CHRNB3: variants seen among roughly 807,000 people sequenced by gnomAD.
The protein encoded by CHRNB3 is cholinergic receptor nicotinic beta 3 subunit.
Under a neutral mutation model 40.6 loss-of-function variants are expected in CHRNB3, and 37 were observed. The ratio of observed to expected loss-of-function variants is 0.91; its 90% CI spans 0.70 to 1.20. The LOEUF is 1.20. Among genes scored for constraint, CHRNB3 ranks in the 50% most tolerant of loss-of-function variants. CHRNB3 has a pLI of 0.00. For synonymous variants in CHRNB3, 207 were observed against 207.1 expected (o/e 1.00, Z 0.00); for missense variants, 505 against 551.2 (o/e 0.92, Z 0.84).
rs1816075490 is a variant in CHRNB3 at position 42,714,948 on chromosome 8, T to G, written c.249+4514T>G. ...GCTGTATAATTTCCTAACCCTGGTC[T>G]TCTAAGGCTTTGATTCCTCAGTCTC... On this transcript the variant is annotated intron_variant, in intron 3 of 5. Coordinates refer to ENST00000289957, the MANE Select transcript of CHRNB3 (RefSeq NM_000749.5). 3 of 152,152 alleles carry G rather than the reference T, an allele frequency of 2.0e-5. No individual in the cohort carries two copies. The South Asian group carries it at 6.2e-4, about 31-fold the overall frequency. The allele number at this position is 152,152 out of a possible 1,614,324, so 9.4% of individuals were successfully genotyped here. A position where few individuals can be genotyped will look rare whatever the true frequency, so the allele number is the denominator to read the frequency against.
At chr8:42,704,196 T>C (rs548980557) in intron 1 of CHRNB3, among the ~76,000 whole-genome samples, 3 of 152,360 alleles carry the variant, frequency 2.0e-5, no homozygotes, top group African/African-American at 7.2e-5. Flanking sequence ...TCTTGCTGTG[T>C]CCTCACATGG....
At chr8:42,734,229 C>T (rs7839973) in intron 5 of CHRNB3, among the ~76,000 whole-genome samples, 4,296 of 134,276 alleles carry the variant, frequency 0.032, 110 homozygotes, top group Middle Eastern at 0.1. Flanking sequence ...GCACTCCACT[C>T]CAGCCTGGCG....
rs762008377 is a variant in CHRNB3 at position 42,697,587 on chromosome 8, T to A, written c.41T>A (p.Ile14Asn). Residue 14 changes from isoleucine to asparagine, a missense_variant, in exon 1 of 6, where the codon ATC becomes AAC. By Grantham distance (149) the Ile-to-Asn change is moderately radical. Transcript: ENST00000289957. The stretch of plus-strand genomic sequence containing the variant: ...ATGCTGGTTCTCATCGTCCTTGGCA[T>A]CCCTTCCTCAGGTAAGCACAAGTCA... ...DFMLVLIVLGIPSSATTGFNS... is the reference protein window; with the variant it reads ...DFMLVLIVLGNPSSATTGFNS... 6.2e-7 allele frequency: 1 copy of A among 1,613,448 alleles called. No homozygotes were observed. The highest frequency in any genetic ancestry group is 1.3e-5 in the African/African-American group (1 of 74,934).
At chr8:42,706,936 T>C (rs780763116) in intron 1 of CHRNB3, among the ~76,000 whole-genome samples, 1 of 151,986 alleles carries the variant, frequency 6.6e-6, no homozygotes, top group African/African-American at 2.4e-5. Flanking sequence ...AATTTTTTTA[T>C]TTTTGTAATA....
rs1816440020 is a variant in CHRNB3 at position 42,732,238 on chromosome 8, A to G, written c.931A>G (p.Ile311Val). ...CATCATGATTTTTGTGACCCTGTCC[A>G]TCATTGTTACCGTGTTTGTCATTAA... ...LFIMIFVTLSIIVTVFVINVH... is the reference protein window; with the variant it reads ...LFIMIFVTLSVIVTVFVINVH... The change falls in exon 5 of 6, where the codon ATC becomes GTC. Residue 311 changes from isoleucine to valine, a missense_variant. Ile to Val is a conservative substitution (Grantham distance 29). Coordinates refer to ENST00000289957, the MANE Select transcript of CHRNB3 (RefSeq NM_000749.5). 1 of 1,611,962 alleles carries G rather than the reference A, an allele frequency of 6.2e-7. No individual in the cohort carries two copies.
chr8:42,722,709 A>G (rs1816240656), intron 3 of CHRNB3, among the ~76,000 whole-genome samples: 1 of 152,090 alleles, frequency 6.6e-6, no homozygotes. Context: ...CCACAGACAC[A>G]CAACTACACC....
rs1412129490 is a variant in CHRNB3 at position 42,697,561 on chromosome 8, T to C, written c.15T>C (p.Phe5=). Residue 5 remains phenylalanine, a synonymous_variant, in exon 1 of 6, where the codon TTT becomes TTC. Coordinates refer to ENST00000289957, the MANE Select transcript of CHRNB3 (RefSeq NM_000749.5). ...CTGACATCACGATGCTCCCAGATTT[T>C]ATGCTGGTTCTCATCGTCCTTGGCA... MLPD[F]MLVLIVLGIP... 24 of 1,613,664 alleles carry C rather than the reference T, an allele frequency of 1.5e-5. No individual in the cohort carries two copies. The highest frequency in any genetic ancestry group is 1.9e-5 in the Non-Finnish European group (23 of 1,179,686).
At chr8:42,700,946 G>C (rs1310735863) in intron 1 of CHRNB3, among the ~76,000 whole-genome samples, 1 of 152,058 alleles carries the variant, frequency 6.6e-6, no homozygotes, top group African/African-American at 2.4e-5. Flanking sequence ...AGAATAAAGA[G>C]ACTGGTCGGG....
intron 3 of CHRNB3, among the ~76,000 whole-genome samples, chr8:42,720,048 C>T (rs62518198): frequency 0.057 from 8,596 of 150,882 alleles, 320 homozygotes; most frequent in Middle Eastern, 0.11. Flanking sequence ...CACCTTTCCA[C>T]AGGCAGTTCC....
chr8:42,708,615 C>G, intron 1 of CHRNB3, 102 bp from the exon 2 acceptor site: 1 of 1,308,564 alleles, frequency 7.6e-7, no homozygotes, highest in South Asian at 1.4e-5. Context: ...GAAACAGACA[C>G]AGCCTATGGT....
intron 3 of CHRNB3, among the ~76,000 whole-genome samples, chr8:42,718,821 A>G (rs567974738): frequency 6.6e-6 from 1 of 152,218 alleles, no homozygotes; most frequent in East Asian, 1.9e-4. Context: ...CAGGTAATAC[A>G]TCTAAGAAAA....
At chr8:42,708,647 A>G (rs1025311980) in intron 1 of CHRNB3, 70 bp from the exon 2 acceptor site, 2 of 1,530,144 alleles carry the variant, frequency 1.3e-6, no homozygotes, top group African/African-American at 2.7e-5. Flanking sequence ...AGGCCACAGG[A>G]GCCATGGGAC....
At position 42,736,708 on chromosome 8, in the gene CHRNB3, G is replaced by A. The variant is rs1355857405; in HGVS notation, c.*90G>A. The A allele has an allele frequency of 1.2e-5, 18 of 1,457,760 alleles. No individual in the cohort carries two copies. The highest frequency in any genetic ancestry group is 1.1e-4 in the East Asian group (5 of 43,964). 90.3% of individuals were successfully genotyped at this position (1,457,760 alleles called of 1,614,324 possible). A position where few individuals can be genotyped will look rare whatever the true frequency, so the allele number is the denominator to read the frequency against. ...ATCCAAATGCATGTGCTTGTTCTAC[G>A]AACCCCGAATGCGTTGTCTTTGTGG... On this transcript the variant is annotated 3_prime_UTR_variant, in exon 6 of 6. Coordinates refer to ENST00000289957, the MANE Select transcript of CHRNB3 (RefSeq NM_000749.5).
At chr8:42,722,146 G>A (rs929942664) in intron 3 of CHRNB3, among the ~76,000 whole-genome samples, 19 of 152,090 alleles carry the variant, frequency 1.2e-4, no homozygotes, top group African/African-American at 4.1e-4. Flanking sequence ...AGCCGAGGCG[G>A]GTGGATCACT....
At chr8:42,734,535 T>C (rs1816487063) in intron 5 of CHRNB3, among the ~76,000 whole-genome samples, 1 of 150,780 alleles carries the variant, frequency 6.6e-6, no homozygotes, top group Non-Finnish European at 1.5e-5. Context: ...TTCTCTAGCC[T>C]CAGCCTCCCG....
chr8:42,731,631 C>T, intron 4 of CHRNB3, 36 bp from the exon 5 acceptor site: 2 of 1,543,310 alleles, frequency 1.3e-6, no homozygotes, highest in Non-Finnish European at 1.7e-6. Flanking sequence ...AGCAGGTGCT[C>T]CACCGACTGC....
At chr8:42,730,468 C>A (rs1816386995) in intron 3 of CHRNB3, 126 bp from the exon 4 acceptor site, 2 of 598,696 alleles carry the variant, frequency 3.3e-6, no homozygotes, top group Non-Finnish European at 5.6e-6. Flanking sequence ...GTCACGCAGT[C>A]CAACCGGGAC....
chr8:42,718,685 A>C (rs79905425), intron 3 of CHRNB3, among the ~76,000 whole-genome samples: 7 of 151,302 alleles, frequency 4.6e-5, no homozygotes, highest in South Asian at 2.1e-4. Context: ...AAAAAAAAAA[A>C]AAAAAAAAAA....
chr8:42,731,670 T>G lies in CHRNB3; in HGVS notation c.363T>G (p.Ala121=). 6.2e-7 allele frequency: 1 copy of G among 1,603,320 alleles called. No individual in the cohort carries two copies. The highest frequency in any genetic ancestry group is 8.5e-7 in the Non-Finnish European group (1 of 1,174,138). The change falls in exon 5 of 6, where the codon GCT becomes GCG. Residue 121 remains alanine, a synonymous_variant. Transcript: ENST00000289957. ...WLPDIVLFEN[A]DGRFEGSLMT... ...GGTGAAACTGCTTTGATTGCAGTGC[T>G]GACGGCCGCTTCGAAGGCTCCCTGA... is the stretch of plus-strand genomic sequence containing the variant.
Sources: allele counts gnomAD v4.1 joint callset (sites outside exome capture counted in the v4.1 genomes callset), GRCh38; gene constraint gnomAD v4.1.1; transcripts MANE v1.5; gene names NCBI Gene and HGNC (gene_info 2026-07-23, HGNC 2026-07-21).